TMEM229B: variants seen among roughly 807,000 people sequenced by gnomAD.
TMEM229B encodes transmembrane protein 229B.
TMEM229B carries 6 observed loss-of-function variants against 13.7 expected under a neutral mutation model. The observed-to-expected ratio is 0.44, with a 90% CI of 0.24 to 0.86. The LOEUF (loss-of-function observed/expected upper bound fraction) is 0.86. Among genes scored for constraint, TMEM229B ranks in the 40% least tolerant of loss-of-function variants. The pLI is 0.23. For missense variants in TMEM229B, 170 were observed against 236.0 expected, an observed-to-expected ratio of 0.72 and a Z score of 1.83; for synonymous variants, 107 against 102.1, an observed-to-expected ratio of 1.05 and a Z score of -0.29.
chr14:67,489,228 G>A (rs1473610752), upstream of TMEM229B, among the ~76,000 whole-genome samples: 2 of 152,150 alleles, frequency 1.3e-5, no homozygotes, highest in African/African-American at 4.8e-5. Context: ...GAGGGTTCAG[G>A]ACATTAAGAG....
intron 2 of TMEM229B, among the ~76,000 whole-genome samples, chr14:67,480,426 A>G (rs936756574): frequency 1.3e-5 from 2 of 152,190 alleles, no homozygotes; most frequent in African/African-American, 4.8e-5. Flanking sequence ...CGAGGGATGA[A>G]TGGAAGAGGA....
At chr14:67,530,651 G>A (rs1310695545) in intron 1 of TMEM229B, among the ~76,000 whole-genome samples, 1 of 152,196 alleles carries the variant, frequency 6.6e-6, no homozygotes, top group South Asian at 2.1e-4. Context: ...GGCTTAATGT[G>A]CTTGAGGGAT....
Position 67,480,324 on chromosome 14 carries a change from A to G in TMEM229B, c.-18-6383T>C, listed in dbSNP as rs576832770. On this transcript the variant is annotated intron_variant, in intron 2 of 2. Transcript: ENST00000554480. ...CTAGCGAGCCAAGAAATCGGGTGGC[A>G]ATAATAACCCCACATATGGCCCTCA... is the stretch of plus-strand genomic sequence containing the variant. 3.3e-5 allele frequency among the ~76,000 whole-genome samples: 5 copies of G among 152,240 alleles called. No individual in the cohort carries two copies. In the South Asian group the frequency reaches 6.2e-4, roughly 19 times the overall value.
chr14:67,489,808 G>A (rs904647839), upstream of TMEM229B, among the ~76,000 whole-genome samples: 1 of 152,156 alleles, frequency 6.6e-6, no homozygotes, highest in Non-Finnish European at 1.5e-5. Context: ...GGCTAACATG[G>A]TGAAACCCCA....
chr14:67,473,908 G>C lies in TMEM229B; in HGVS notation c.16C>G (p.Pro6Ala). 1 of 1,605,098 alleles carries C rather than the reference G, an allele frequency of 6.2e-7. No individual in the cohort carries two copies. The highest frequency in any genetic ancestry group is 8.5e-7 in the Non-Finnish European group (1 of 1,176,062). Residue 6 changes from proline (P) to alanine (A), a missense_variant, in exon 3 of 3, where the codon CCC becomes GCC. Pro to Ala is a conservative substitution (Grantham distance 27, BLOSUM62 -1). Coordinates refer to ENST00000554480, the MANE Select transcript of TMEM229B (RefSeq NM_001348543.2). The surrounding 1 kb of genome is among the most constrained non-coding windows in gnomAD (Gnocchi z 6.5). The part of the protein sequence containing the change: MASAE[P>A]LTALSRWYLY... ...TACCAGCGGGACAGCGCCGTCAGGG[G>C]CTCGGCAGACGCCATGGCGCCGACT...
chr14:67,513,920 C>G (rs2033112479), intron 1 of TMEM229B, among the ~76,000 whole-genome samples: 2 of 152,266 alleles, frequency 1.3e-5, no homozygotes, highest in Non-Finnish European at 2.9e-5. Context: ...GGAACCTGGC[C>G]CATTTGTTTT....
At chr14:67,531,442 T>C (rs911463416) in intron 1 of TMEM229B, among the ~76,000 whole-genome samples, 2 of 152,016 alleles carry the variant, frequency 1.3e-5, no homozygotes, top group African/African-American at 4.8e-5. Context: ...CTGCTCAGAG[T>C]TGGGCAATGG....
intron 2 of TMEM229B, among the ~76,000 whole-genome samples, chr14:67,482,543 C>T (rs1211829623): frequency 1.3e-5 from 2 of 152,214 alleles, no homozygotes; most frequent in African/African-American, 2.4e-5. Flanking sequence ...CCCATCACTA[C>T]AGTTCCATGT....
At chr14:67,502,830 A>C (rs1470297587) in intron 1 of TMEM229B, among the ~76,000 whole-genome samples, 4 of 152,260 alleles carry the variant, frequency 2.6e-5, no homozygotes, top group Middle Eastern at 6.8e-3. Context: ...CCAACCAACC[A>C]ACTTTATTAA....
intron 1 of TMEM229B, among the ~76,000 whole-genome samples, chr14:67,487,585 G>A (rs528469074): frequency 1.3e-4 from 20 of 152,266 alleles, no homozygotes; most frequent in African/African-American, 4.6e-4. Context: ...TAGGACATTC[G>A]TTTCAGCACT....
At chr14:67,520,928 C>T (rs1023906848) in intron 1 of TMEM229B, among the ~76,000 whole-genome samples, 62 of 152,320 alleles carry the variant, frequency 4.1e-4, no homozygotes, top group African/African-American at 1.3e-3. Context: ...TTTGCATTCC[C>T]ACAAGCAATG....
upstream of TMEM229B, among the ~76,000 whole-genome samples, chr14:67,490,540 TCATG>T (rs2032127053): frequency 6.6e-6 from 1 of 152,214 alleles, no homozygotes; most frequent in African/African-American, 2.4e-5. Context: ...ACATCAGTTT[TCATG>T]CACATAGGAT....
At chr14:67,488,793 G>T (rs551701172), upstream of TMEM229B, 8 of 152,430 alleles carry the variant, frequency 5.2e-5, no homozygotes, top group South Asian at 1.7e-3. Flanking sequence ...AGCTCTGGGA[G>T]CCCACTGCCT....
At chr14:67,509,981 G>A (rs892062117) in intron 1 of TMEM229B, among the ~76,000 whole-genome samples, 6 of 151,964 alleles carry the variant, frequency 3.9e-5, no homozygotes, top group African/African-American at 1.5e-4. Context: ...CTGCACTAAA[G>A]CCTGAGCAAC....
chr14:67,495,686 G>A (rs891820033), intron 1 of TMEM229B, among the ~76,000 whole-genome samples: 3 of 152,118 alleles, frequency 2.0e-5, no homozygotes, highest in Non-Finnish European at 2.9e-5. Flanking sequence ...GTTTCACTGT[G>A]TTGGCCAGGC....
intron 1 of TMEM229B, among the ~76,000 whole-genome samples, chr14:67,531,744 A>ATTTTT (rs757022456): frequency 7.6e-6 from 1 of 131,148 alleles, no homozygotes. Flanking sequence ...AAAAAAAAAA[A>ATTTTT]TTTTTTTTTT....
chr14:67,528,752 G>C (rs978705695), intron 1 of TMEM229B, among the ~76,000 whole-genome samples: 14 of 152,058 alleles, frequency 9.2e-5, no homozygotes, highest in Admixed American at 2.0e-4. Flanking sequence ...GCATTGATAT[G>C]TGTTGTAATT....
chr14:67,493,092 G>T (rs2032232606), upstream of TMEM229B, among the ~76,000 whole-genome samples: 1 of 152,230 alleles, frequency 6.6e-6, no homozygotes, highest in Non-Finnish European at 1.5e-5. Context: ...ATTCCAGGCA[G>T]AGAGGACAGT....
At chr14:67,480,802 C>T (rs1345104896) in intron 2 of TMEM229B, among the ~76,000 whole-genome samples, 1 of 152,160 alleles carries the variant, frequency 6.6e-6, no homozygotes, top group Non-Finnish European at 1.5e-5. Flanking sequence ...GACTTTAAAC[C>T]CTGCTCTTCT....
Sources: allele counts gnomAD v4.1 joint callset (sites outside exome capture counted in the v4.1 genomes callset), GRCh38; gene constraint gnomAD v4.1.1; non-coding constraint Gnocchi (gnomAD v3.1); transcripts MANE v1.5; gene names NCBI Gene and HGNC (gene_info 2026-07-23, HGNC 2026-07-21).